The following SLC35A5 variants were observed in gnomAD, a reference collection of about 807,000 sequenced individuals.
SLC35A5 encodes solute carrier family 35 member A5.
SLC35A5 carries 28 observed loss-of-function variants against 36.3 expected under a neutral mutation model. The observed-to-expected ratio is 0.77, with a 90% CI of 0.57 to 1.06. The LOEUF is 1.06. Among genes scored for constraint, SLC35A5 ranks in the 50% least tolerant of loss-of-function variants. The pLI is 0.00. For missense variants in SLC35A5, 521 were observed against 499.3 expected (o/e 1.04, Z -0.41); for synonymous variants, 180 against 173.7 (o/e 1.04, Z -0.29).
At chr3:112,577,418 T>C (rs561442369) in intron 5 of SLC35A5, among the ~76,000 whole-genome samples, 2 of 152,296 alleles carry the variant, frequency 1.3e-5, no homozygotes, top group East Asian at 3.9e-4. Context: ...TTTATGTGAA[T>C]GTATAGATTT....
At chr3:112,579,167 A>C (rs1449656101) in intron 5 of SLC35A5, among the ~76,000 whole-genome samples, 1 of 152,176 alleles carries the variant, frequency 6.6e-6, no homozygotes, top group Non-Finnish European at 1.5e-5. Context: ...GAAACTTAGA[A>C]TTATACTTAG....
At position 112,563,402 on chromosome 3, in the gene SLC35A5, G is replaced by A; in HGVS notation, c.-2G>A. On this transcript the variant is annotated 5_prime_UTR_variant, in exon 2 of 7. The change creates a premature stop within an existing upstream ORF in the 5' untranslated region. Transcript: ENST00000492406. ...TCTTTAAGGTAATTAAAAAACAGTG[G>A]AATGGAAAAACAGTGCTGTAGTCAT... is the stretch of plus-strand genomic sequence containing the variant. The A allele has an allele frequency of 6.7e-7, 1 of 1,499,816 alleles. No individual in the cohort carries two copies. The highest frequency in any genetic ancestry group is 9.0e-7 in the Non-Finnish European group (1 of 1,106,586). 92.9% of individuals were successfully genotyped at this position (1,499,816 alleles called of 1,614,324 possible). A position where few individuals can be genotyped will look rare whatever the true frequency, so the allele number is the denominator to read the frequency against.
At chr3:112,567,008 C>G (rs1046756124) in intron 2 of SLC35A5, among the ~76,000 whole-genome samples, 2 of 151,966 alleles carry the variant, frequency 1.3e-5, no homozygotes, top group Admixed American at 1.3e-4. Flanking sequence ...GGGTGGATCA[C>G]GAGGTCAGGA....
chr3:112,571,520 G>C (rs1354091537), intron 4 of SLC35A5, among the ~76,000 whole-genome samples: 1 of 152,122 alleles, frequency 6.6e-6, no homozygotes, highest in Non-Finnish European at 1.5e-5. Flanking sequence ...GAAAAGGAGG[G>C]CTCAAGATAG....
upstream of SLC35A5, chr3:112,561,469 G>A (rs1043497254): frequency 5.6e-6 from 9 of 1,613,370 alleles, no homozygotes; most frequent in Admixed American, 1.7e-5. Context: ...TGAGGACCGG[G>A]GTCAGGTACT....
upstream of SLC35A5, chr3:112,561,400 G>T: frequency 1.3e-6 from 2 of 1,566,640 alleles, no homozygotes. Flanking sequence ...GCGGCGCCTG[G>T]TCCCTGAAAA....
Position 112,569,269 on chromosome 3 carries a change from G to A in SLC35A5, c.229G>A (p.Asp77Asn), listed in dbSNP as rs772578884. The stretch of plus-strand genomic sequence containing the variant: ...TGTGTCATTCTGTGTTATAAAGAAA[G>A]GTAAGTCTTGAAATGGTACTATATA... ...VLVSFCVIKK[D>N]HQSRNLKYAS... Residue 77 changes from aspartate (D) to asparagine (N), a missense_variant and splice_region_variant, in exon 3 of 7, where the codon GAT (aspartate) becomes AAT (asparagine). By Grantham distance (23) the Asp-to-Asn change is conservative. Coordinates refer to ENST00000492406, the MANE Select transcript of SLC35A5 (RefSeq NM_017945.5). 6 of 1,612,926 alleles carry A rather than the reference G, an allele frequency of 3.7e-6. No homozygotes were observed. Among genetic ancestry groups the A allele is most frequent in the Non-Finnish European group, 5.1e-6 (6 of 1,179,194 alleles).
At chr3:112,569,396 A>C (rs919961990) in intron 3 of SLC35A5, 127 bp downstream of exon 3, 5 of 719,050 alleles carry the variant, frequency 7.0e-6, no homozygotes, top group Non-Finnish European at 1.2e-5. Flanking sequence ...AGATACAAAC[A>C]TAAGTATGTT....
At chr3:112,577,616 T>C (rs1046190298) in intron 5 of SLC35A5, among the ~76,000 whole-genome samples, 3 of 152,236 alleles carry the variant, frequency 2.0e-5, no homozygotes, top group Non-Finnish European at 4.4e-5. Flanking sequence ...CCAGCACTTA[T>C]TTTTACCTAA....
intron 3 of SLC35A5, 25 bp downstream of exon 3, chr3:112,569,294 A>G (rs1934331646): frequency 6.3e-7 from 1 of 1,575,826 alleles, no homozygotes; most frequent in South Asian, 1.1e-5. Flanking sequence ...GGTACTATAT[A>G]CTTGTTAATC....
upstream of SLC35A5, chr3:112,561,376 A>C: frequency 6.9e-7 from 1 of 1,440,152 alleles, no homozygotes; most frequent in Non-Finnish European, 9.7e-7. Context: ...CCGCCGGAGA[A>C]AGCGGGGACT....
intron 5 of SLC35A5, 26 bp downstream of exon 5, chr3:112,573,982 T>C (rs1934567240): frequency 6.4e-7 from 1 of 1,572,240 alleles, no homozygotes; most frequent in African/African-American, 1.4e-5. Context: ...TGAAAACATA[T>C]ATCATACTTT....
chr3:112,572,063 C>T (rs2107430581), intron 4 of SLC35A5, among the ~76,000 whole-genome samples: 2 of 150,314 alleles, frequency 1.3e-5, no homozygotes, highest in African/African-American at 4.9e-5. Flanking sequence ...CTGCCTCAGC[C>T]TCCCGAGTAG....
intron 6 of SLC35A5, among the ~76,000 whole-genome samples, chr3:112,582,285 T>C (rs894021097): frequency 6.6e-6 from 1 of 152,028 alleles, no homozygotes; most frequent in Non-Finnish European, 1.5e-5. Flanking sequence ...TTAGCCAGAG[T>C]GTATATCCAG....
chr3:112,579,371 T>C (rs1286521239), intron 5 of SLC35A5, among the ~76,000 whole-genome samples: 8 of 152,092 alleles, frequency 5.3e-5, no homozygotes, highest in Non-Finnish European at 1.5e-5. Flanking sequence ...TTCCCACCTA[T>C]TGCTTTACAC....
intron 1 of SLC35A5, among the ~76,000 whole-genome samples, chr3:112,562,779 C>G (rs1028800324): frequency 6.6e-6 from 1 of 152,170 alleles, no homozygotes; most frequent in Non-Finnish European, 1.5e-5. Context: ...AGAGTAAAAG[C>G]GAGGCCGGGC....
intron 5 of SLC35A5, among the ~76,000 whole-genome samples, chr3:112,577,469 G>A (rs1400904014): frequency 6.6e-6 from 1 of 152,164 alleles, no homozygotes; most frequent in African/African-American, 2.4e-5. Flanking sequence ...GTAGAAACTG[G>A]TAGCAGGCAT....
chr3:112,572,949 C>A (rs115337712), intron 4 of SLC35A5, among the ~76,000 whole-genome samples: 3 of 152,156 alleles, frequency 2.0e-5, no homozygotes, highest in Non-Finnish European at 2.9e-5. Flanking sequence ...CATTTGCCTA[C>A]AGAGAAGTAC....
chr3:112,567,051 C>A (rs1056805406), intron 2 of SLC35A5, among the ~76,000 whole-genome samples: 3 of 151,884 alleles, frequency 2.0e-5, no homozygotes, highest in Non-Finnish European at 4.4e-5. Flanking sequence ...ACAGTGAAAC[C>A]CCATCTCCAC....
Sources: allele counts gnomAD v4.1 joint callset (sites outside exome capture counted in the v4.1 genomes callset), GRCh38; gene constraint gnomAD v4.1.1; transcripts MANE v1.5; gene names NCBI Gene and HGNC (gene_info 2026-07-23, HGNC 2026-07-21).